Variants in TMEM232 observed in about 807,000 individuals in gnomAD.
TMEM232 encodes the protein transmembrane protein 232.
A neutral mutation model predicts 78.8 loss-of-function variants in TMEM232; 80 were observed. That is an observed-to-expected ratio of 1.01 (90% CI 0.85 to 1.22). The LOEUF (loss-of-function observed/expected upper bound fraction) is 1.22, where lower values mean the gene tolerates loss of function less well. Among genes scored for constraint, TMEM232 ranks in the 50% most tolerant of loss-of-function variants. The pLI is 0.00. For synonymous variants in TMEM232, 297 were observed against 254.3 expected (o/e 1.17, Z -1.60); for missense variants, 881 against 742.2 (o/e 1.19, Z -2.17).
intron 12 of TMEM232, among the ~76,000 whole-genome samples, chr5:110,505,482 C>T (rs563543423): frequency 1.3e-5 from 2 of 152,140 alleles, no homozygotes; most frequent in African/African-American, 2.4e-5. Context: ...CCAACATGTC[C>T]GAAATACACA....
chr5:110,537,474 A>T (rs1343499988), intron 11 of TMEM232, among the ~76,000 whole-genome samples: 1 of 151,872 alleles, frequency 6.6e-6, no homozygotes, highest in South Asian at 2.1e-4. Context: ...AAAACCTAAC[A>T]ATCTGCAAAA....
rs368032968 is a variant in TMEM232 at position 110,395,185 on chromosome 5, GCT to G, written n.390+2586_390+2587del. ...TGCACTAAGAGCATCAGATTTTGTT[GCT>G]CTCTTTCTAGAAGTTTAAGGCCTTT... is the stretch of plus-strand genomic sequence containing the variant. On this transcript the variant is annotated intron_variant and non_coding_transcript_variant, in intron 3 of 8. Transcript: ENST00000507188. 2.0e-3 allele frequency among the ~76,000 whole-genome samples: 306 copies of G among 152,126 alleles called. 2 individuals are homozygous for G. The highest frequency in any genetic ancestry group is 7.0e-3 in the African/African-American group (290 of 41,508).
intron 3 of TMEM232, among the ~76,000 whole-genome samples, chr5:110,641,970 C>A (rs2150020219): frequency 6.6e-6 from 1 of 152,166 alleles, no homozygotes; most frequent in African/African-American, 2.4e-5. Flanking sequence ...CAGCATATCT[C>A]AATTAACTTT....
chr5:110,718,596 T>C (rs1025800063), intron 1 of TMEM232, among the ~76,000 whole-genome samples: 1 of 152,094 alleles, frequency 6.6e-6, no homozygotes, highest in Non-Finnish European at 1.5e-5. Context: ...TTTATCCTAA[T>C]TGGAGTTCAC....
At chr5:110,557,527 G>A (rs1775241449) in intron 11 of TMEM232, among the ~76,000 whole-genome samples, 1 of 152,302 alleles carries the variant, frequency 6.6e-6, no homozygotes, top group Middle Eastern at 3.4e-3. Flanking sequence ...ATGGGCTCAT[G>A]GTTAAGCAGC....
At chr5:110,496,621 C>A (rs1025603664) in intron 12 of TMEM232, among the ~76,000 whole-genome samples, 2 of 151,870 alleles carry the variant, frequency 1.3e-5, no homozygotes, top group African/African-American at 2.4e-5. Flanking sequence ...GATGAGAGGA[C>A]ACATGCGGTT....
Position 110,667,237 on chromosome 5 carries a change from T to G in TMEM232, c.116A>C (p.His39Pro). The G allele has an allele frequency of 6.5e-7, 1 of 1,543,886 alleles. No homozygotes were observed. The highest frequency in any genetic ancestry group is 8.8e-7 in the Non-Finnish European group (1 of 1,142,588). The change falls in exon 2 of 14, where the codon CAT becomes CCT. Residue 39 changes from histidine to proline, a missense_variant. Transcript: ENST00000455884. ...TTATTTTCTAGCTTACCTTGATTTATGACCCCTTTCTCCACTTAAATGTTG... is the reference window on the plus strand; with the variant it reads ...TTATTTTCTAGCTTACCTTGATTTAGGACCCCTTTCTCCACTTAAATGTTG... ...NFQHLSGERG[H>P]KSRPTFSITK...
intron 12 of TMEM232, among the ~76,000 whole-genome samples, chr5:110,461,951 T>C (rs950470756): frequency 1.3e-5 from 2 of 152,216 alleles, no homozygotes; most frequent in Non-Finnish European, 2.9e-5. Context: ...CCAAAAGCTC[T>C]GGTGGAGATG....
chr5:110,520,037 G>GTATATATATA (rs778212998), intron 12 of TMEM232, among the ~76,000 whole-genome samples: 116 of 148,318 alleles, frequency 7.8e-4, no homozygotes, highest in African/African-American at 2.4e-3. Context: ...ATATATTTAT[G>GTATATATATA]TATATATATA....
chr5:110,596,270 T>C (rs1580298243), intron 10 of TMEM232, among the ~76,000 whole-genome samples: 1 of 152,036 alleles, frequency 6.6e-6, no homozygotes, highest in African/African-American at 2.4e-5. Context: ...CTAGAAGAAA[T>C]GGATAAATTC....
At chr5:110,611,810 C>A (rs752780802) in intron 8 of TMEM232, among the ~76,000 whole-genome samples, 3 of 152,048 alleles carry the variant, frequency 2.0e-5, no homozygotes, top group Non-Finnish European at 2.9e-5. Flanking sequence ...AAGCTACAAT[C>A]GTCAAGAGAC....
chr5:110,596,357 G>A (rs545865285), intron 10 of TMEM232, among the ~76,000 whole-genome samples: 1 of 152,242 alleles, frequency 6.6e-6, no homozygotes, highest in Non-Finnish European at 1.5e-5. Flanking sequence ...GGCTCTGAAA[G>A]TGTGGCAATA....
At chr5:110,495,267 T>C (rs376224929) in intron 12 of TMEM232, among the ~76,000 whole-genome samples, 1 of 151,940 alleles carries the variant, frequency 6.6e-6, no homozygotes, top group East Asian at 1.9e-4. Context: ...TTCCAGTGGT[T>C]CTCAATCTTG....
At chr5:110,426,687 C>CT (rs1294599756) in intron 12 of TMEM232, among the ~76,000 whole-genome samples, 1 of 151,968 alleles carries the variant, frequency 6.6e-6, no homozygotes, top group Non-Finnish European at 1.5e-5. Flanking sequence ...CACTGAGCTT[C>CT]TTAATGCATG....
intron 1 of TMEM232, among the ~76,000 whole-genome samples, chr5:110,700,812 A>AGATAGATG: frequency 6.6e-6 from 1 of 151,750 alleles, no homozygotes; most frequent in Non-Finnish European, 1.5e-5. Context: ...ATAGATAGAT[A>AGATAGATG]GATAGATAGA....
intron 12 of TMEM232, among the ~76,000 whole-genome samples, chr5:110,512,266 T>C (rs1767876566): frequency 6.6e-6 from 1 of 152,194 alleles, no homozygotes; most frequent in African/African-American, 2.4e-5. Flanking sequence ...ATATTAGGCA[T>C]TCAATAAATA....
chr5:110,651,128 C>T (rs561575137), intron 2 of TMEM232, among the ~76,000 whole-genome samples: 4 of 152,164 alleles, frequency 2.6e-5, no homozygotes, highest in Admixed American at 6.6e-5. Flanking sequence ...GGACACAAAA[C>T]GGAAGTGAAT....
chr5:110,683,374 A>G (rs1343866560), intron 1 of TMEM232, among the ~76,000 whole-genome samples: 3 of 152,070 alleles, frequency 2.0e-5, no homozygotes, highest in East Asian at 3.9e-4. Flanking sequence ...TATAAATTAC[A>G]AAGAGATACA....
At chr5:110,586,613 TCTCAAGA>T (rs1778848555) in intron 10 of TMEM232, among the ~76,000 whole-genome samples, 1 of 151,728 alleles carries the variant, frequency 6.6e-6, no homozygotes, top group Non-Finnish European at 1.5e-5. Context: ...TACAAATGTA[TCTCAAGA>T]TTTTTTTTTA....
Sources: allele counts gnomAD v4.1 joint callset (sites outside exome capture counted in the v4.1 genomes callset), GRCh38; gene constraint gnomAD v4.1.1; transcripts MANE v1.5; gene names NCBI Gene and HGNC (gene_info 2026-07-23, HGNC 2026-07-21).